Variants in THSD8 observed in about 807,000 individuals in gnomAD.
THSD8 encodes the protein thrombospondin type 1 domain containing 8, also known as thrombospondin type-1 domain-containing protein 8.
chr19:12,804,042 G>C (rs1008709809), intron 1 of THSD8, 62 bp from the exon 2 acceptor site: 1 of 398,086 alleles, frequency 2.5e-6, no homozygotes, highest in African/African-American at 2.1e-5. Context: ...TCCCTCTCTG[G>C]GGGAGGGGAT....
At position 12,804,142 on chromosome 19, in the gene THSD8, C is replaced by T. The variant is rs531375822; in HGVS notation, c.187C>T (p.Arg63Trp). ...DSILGPWGKW[R>W]CLCDLGKQER... The stretch of plus-strand genomic sequence containing the variant: ...AATCCTTGGCCCGTGGGGAAAGTGG[C>T]GGTGTCTCTGCGACCTGGGCAAGCA... The change falls in exon 2 of 2, where the codon CGG becomes TGG. Residue 63 changes from arginine to tryptophan, a missense_variant. Physicochemically the swap from Arg to Trp is moderately radical, Grantham distance 101. Coordinates refer to ENST00000639810, the MANE Select transcript of THSD8 (RefSeq NM_001386800.1). 1.0e-3 allele frequency: 414 copies of T among 398,542 alleles called. 2 individuals carry two copies. Among genetic ancestry groups the T allele is most frequent in the African/African-American group, 7.7e-3 (374 of 48,704 alleles). The allele number at this position is 398,542 out of a possible 1,614,324, so 24.7% of individuals were successfully genotyped here.
rs1013755614 is a variant in THSD8, at chr19:12,804,342, C to T, written c.*39C>T. 3 of 398,406 alleles carry T rather than the reference C, an allele frequency of 7.5e-6. No individual in the cohort carries two copies. Among genetic ancestry groups the T allele is most frequent in the Non-Finnish European group, 1.3e-5 (3 of 226,030 alleles). The allele number at this position is 398,406 out of a possible 1,614,324, so 24.7% of individuals were successfully genotyped here. A position where few individuals can be genotyped will look rare whatever the true frequency, so the allele number is the denominator to read the frequency against. On this transcript the variant is annotated 3_prime_UTR_variant, in exon 2 of 2. Coordinates refer to ENST00000639810, the MANE Select transcript of THSD8 (RefSeq NM_001386800.1). ...AGCAGGGCCGGGGCAAGTTGCGGGG[C>T]CCAGGGTGGGCGCGGAGGGAGGATG...
intron 1 of THSD8, 76 bp downstream of exon 1, chr19:12,802,295 C>A: frequency 2.5e-6 from 1 of 397,828 alleles, no homozygotes. Context: ...TGCAAAGGGA[C>A]CTTCCTCGGC....
At chr19:12,803,203 C>G (rs1174739888) in intron 1 of THSD8, among the ~76,000 whole-genome samples, 2 of 152,108 alleles carry the variant, frequency 1.3e-5, no homozygotes, top group African/African-American at 4.8e-5. Flanking sequence ...TGCAGTGAGC[C>G]ATGATTATGC....
chr19:12,804,154 G>C lies in THSD8; in HGVS notation c.199G>C (p.Asp67His). Reference protein sequence around the residue: ...GPWGKWRCLCDLGKQERSREV... With the variant: ...GPWGKWRCLCHLGKQERSREV... ...GTGGGGAAAGTGGCGGTGTCTCTGCGACCTGGGCAAGCAGGAGCGCAGCCG... is the reference window on the plus strand; with the variant it reads ...GTGGGGAAAGTGGCGGTGTCTCTGCCACCTGGGCAAGCAGGAGCGCAGCCG... The change falls in exon 2 of 2, where the codon GAC (aspartate) becomes CAC (histidine). Residue 67 changes from aspartate (D) to histidine (H), a missense_variant. By Grantham distance (81) the Asp-to-His change is moderately conservative. Coordinates refer to ENST00000639810, the MANE Select transcript of THSD8 (RefSeq NM_001386800.1). The C allele has an allele frequency of 2.5e-6, 1 of 398,556 alleles. No homozygotes were observed. Among genetic ancestry groups the C allele is most frequent in the Middle Eastern group, 6.3e-4 (1 of 1,588 alleles). 24.7% of individuals were successfully genotyped at this position (398,556 alleles called of 1,614,324 possible).
At chr19:12,803,641 T>A (rs1286060488) in intron 1 of THSD8, among the ~76,000 whole-genome samples, 1 of 152,104 alleles carries the variant, frequency 6.6e-6, no homozygotes, top group Non-Finnish European at 1.5e-5. Flanking sequence ...GCATGGTGGC[T>A]GGCTCACACC....
intron 1 of THSD8, 87 bp from the exon 2 acceptor site, chr19:12,804,017 G>A (rs904489032): frequency 1.2e-5 from 4 of 323,506 alleles, no homozygotes; most frequent in African/African-American, 2.2e-5. Flanking sequence ...TTATTCGTTA[G>A]TATCTTTATC....
chr19:12,803,701 A>G (rs1968937876), intron 1 of THSD8, among the ~76,000 whole-genome samples: 1 of 152,038 alleles, frequency 6.6e-6, no homozygotes, highest in Non-Finnish European at 1.5e-5. Context: ...ACTTGAGCCC[A>G]GGAGTTCCAG....
In THSD8 at chr19:12,804,106, G is replaced by A. The variant is rs1968945259; in HGVS notation, c.151G>A (p.Val51Ile). Reference sequence around the variant, plus strand: ...TCACCTCTGCCCTCCTTCTCTAGAAGTCGAGGACTCAATCCTTGGCCCGTG... The same window carrying A: ...TCACCTCTGCCCTCCTTCTCTAGAAATCGAGGACTCAATCCTTGGCCCGTG... Reference protein sequence around the residue: ...EQLRLQHLKEVEDSILGPWGK... With the variant: ...EQLRLQHLKEIEDSILGPWGK... Residue 51 changes from valine to isoleucine, a missense_variant and splice_region_variant, in exon 2 of 2, where the codon GTC becomes ATC. Coordinates refer to ENST00000639810, the MANE Select transcript of THSD8 (RefSeq NM_001386800.1). 3 of 398,500 alleles carry A rather than the reference G, an allele frequency of 7.5e-6. No homozygotes were observed. The highest frequency in any genetic ancestry group is 1.3e-5 in the Non-Finnish European group (3 of 226,074). 24.7% of individuals were successfully genotyped at this position (398,500 alleles called of 1,614,324 possible).
At chr19:12,803,931 A>C (rs1213835898) in intron 1 of THSD8, among the ~76,000 whole-genome samples, 173 bp from the exon 2 acceptor site, 2 of 149,646 alleles carry the variant, frequency 1.3e-5, no homozygotes, top group Non-Finnish European at 3.0e-5. Flanking sequence ...AAAAAAAAAA[A>C]AAAAAAAGCT....
chr19:12,804,371 G>T lies in THSD8; in HGVS notation c.*68G>T. 2.5e-6 allele frequency: 1 copy of T among 398,198 alleles called. No homozygotes were observed. The highest frequency in any genetic ancestry group is 4.4e-6 in the Non-Finnish European group (1 of 225,888). 24.7% of individuals were successfully genotyped at this position (398,198 alleles called of 1,614,324 possible). A position where few individuals can be genotyped will look rare whatever the true frequency, so the allele number is the denominator to read the frequency against. ...GGGTGGGCGCGGAGGGAGGATGTGC[G>T]GTGCGGGGCGGGTATGAAGCGAGTT... is the stretch of plus-strand genomic sequence containing the variant. On this transcript the variant is annotated 3_prime_UTR_variant, in exon 2 of 2. Coordinates refer to ENST00000639810, the MANE Select transcript of THSD8 (RefSeq NM_001386800.1).
At chr19:12,802,740 G>C (rs1004780112) in intron 1 of THSD8, among the ~76,000 whole-genome samples, 37 of 152,100 alleles carry the variant, frequency 2.4e-4, no homozygotes, top group African/African-American at 8.0e-4. Context: ...CTTGGTGAGC[G>C]GTGAGTTGGG....
At chr19:12,802,959 T>A (rs1968927941) in intron 1 of THSD8, among the ~76,000 whole-genome samples, 7 of 151,742 alleles carry the variant, frequency 4.6e-5, no homozygotes, top group Admixed American at 4.6e-4. Flanking sequence ...AAAAATATTT[T>A]AAAATTAGCC....
chr19:12,802,821 G>C lies in THSD8; in HGVS notation c.148+602G>C, dbSNP rs1465029786. 3.9e-5 allele frequency among the ~76,000 whole-genome samples: 6 copies of C among 152,206 alleles called. No homozygotes were observed. In the South Asian group the frequency reaches 8.3e-4, roughly 21 times the overall value. ...CAGATTCAGTAAAGAGCCCTTTAAAGTGATCACAGTGGCCGGCGCGGTAGC... is the reference window on the plus strand; with the variant it reads ...CAGATTCAGTAAAGAGCCCTTTAAACTGATCACAGTGGCCGGCGCGGTAGC... On this transcript the variant is annotated intron_variant, in intron 1 of 1. Transcript: ENST00000639810.
rs761806696 is a variant in THSD8 at position 12,803,911 on chromosome 19, C to CAAAAAAAAAAAAAA, written c.149-179_149-166dup. ...TGGGCGACAGAGCGAGACCCTGTCT[C>CAAAAAAAAAAAAAA]AAAAAAAAAAAAAAAAAAAAAAAAA... is the stretch of plus-strand genomic sequence containing the variant. On this transcript the variant is annotated intron_variant, in intron 1 of 1. Transcript: ENST00000639810. Among the ~76,000 whole-genome samples, 99 of 34,868 alleles carry CAAAAAAAAAAAAAA rather than the reference C, an allele frequency of 2.8e-3. 14 individuals carry two copies. Among genetic ancestry groups the CAAAAAAAAAAAAAA allele is most frequent in the Middle Eastern group, 0.02 (1 of 50 alleles). The allele number at this position is 34,868 out of a possible 152,430, so 22.9% of individuals were successfully genotyped here.
At chr19:12,803,577 C>G (rs1968935909) in intron 1 of THSD8, among the ~76,000 whole-genome samples, 2 of 152,054 alleles carry the variant, frequency 1.3e-5, no homozygotes. Context: ...GGCTTGCTGT[C>G]TCTGGGTCTT....
In THSD8 at chr19:12,804,370, C is replaced by A. The variant is rs563429356; in HGVS notation, c.*67C>A. ...AGGGTGGGCGCGGAGGGAGGATGTG[C>A]GGTGCGGGGCGGGTATGAAGCGAGT... On this transcript the variant is annotated 3_prime_UTR_variant, in exon 2 of 2. Transcript: ENST00000639810. 7 of 397,908 alleles carry A rather than the reference C, an allele frequency of 1.8e-5. No individual in the cohort carries two copies. The highest frequency in any genetic ancestry group is 3.1e-5 in the Non-Finnish European group (7 of 225,838). 24.6% of individuals were successfully genotyped at this position (397,908 alleles called of 1,614,324 possible).
chr19:12,804,275 A>G lies in THSD8; in HGVS notation c.320A>G (p.Lys107Arg). The part of the protein sequence containing the change: ...PCRQRDCPSC[K>R]PFDCDWRL The stretch of plus-strand genomic sequence containing the variant: ...CGGCAACGGGATTGTCCATCCTGCA[A>G]GCCCTTCGACTGCGACTGGAGGCTC... Residue 107 changes from lysine to arginine, a missense_variant, in exon 2 of 2, where the codon AAG becomes AGG. Physicochemically the swap from Lys to Arg is conservative, Grantham distance 26. Transcript: ENST00000639810. 1 of 398,562 alleles carries G rather than the reference A, an allele frequency of 2.5e-6. No individual in the cohort carries two copies. Among genetic ancestry groups the G allele is most frequent in the Non-Finnish European group, 4.4e-6 (1 of 226,066 alleles). The allele number at this position is 398,562 out of a possible 1,614,324, so 24.7% of individuals were successfully genotyped here.
At chr19:12,802,292 G>A (rs1305667490) in intron 1 of THSD8, 73 bp downstream of exon 1, 3 of 397,748 alleles carry the variant, frequency 7.5e-6, no homozygotes, top group African/African-American at 6.2e-5. Context: ...GGCTGCAAAG[G>A]GACCTTCCTC....
Sources: gnomAD v4.1 joint callset for allele counts (sites outside exome capture counted in the v4.1 genomes callset) on GRCh38, gnomAD v4.1.1 for gene constraint, MANE v1.5 for transcripts, NCBI Gene and HGNC (gene_info 2026-07-23, HGNC 2026-07-21) for gene names.